Variants in FNBP4 observed in about 807,000 individuals in gnomAD.
FNBP4 encodes the protein formin-binding protein 4.
A neutral mutation model predicts 119.3 loss-of-function variants in FNBP4; 34 were observed. The observed-to-expected ratio is 0.28, with a 90% CI of 0.22 to 0.38. FNBP4 has a LOEUF of 0.38. FNBP4 is among the 10% of genes least tolerant of loss of function. The pLI is 1.00. For synonymous variants in FNBP4, 462 were observed against 430.6 expected, an observed-to-expected ratio of 1.07 and a Z score of -0.90; for missense variants, 1,112 against 1,228.9, an observed-to-expected ratio of 0.90 and a Z score of 1.42.
chr11:47,744,141 T>C lies in FNBP4; in HGVS notation c.1268A>G (p.Glu423Gly). 6.2e-7 allele frequency: 1 copy of C among 1,614,106 alleles called. No individual in the cohort carries two copies. Among genetic ancestry groups the C allele is most frequent in the Non-Finnish European group, 8.5e-7 (1 of 1,179,986 alleles). ...RKKAELRALE[E>G]GDGSVSGSSP... ...AGACCCTGACACACTACCATCTCCTTCCTCCAAGGCTCGCAACTCTGCCTA... is the reference window on the plus strand; with the variant it reads ...AGACCCTGACACACTACCATCTCCTCCCTCCAAGGCTCGCAACTCTGCCTA... The change falls in exon 8 of 17, where the codon GAA becomes GGA. Residue 423 changes from glutamate to glycine, a missense_variant. By Grantham distance (98) the Glu-to-Gly change is moderately conservative (BLOSUM62 -2). Transcript: ENST00000263773.
At chr11:47,731,774 C>T (rs778076122) in intron 11 of FNBP4, 36 of 1,286,118 alleles carry the variant, frequency 2.8e-5, no homozygotes, top group Non-Finnish European at 3.2e-5. Context: ...TCTGTGAATA[C>T]AGCCCTGAAC....
chr11:47,728,329 A>G (rs1333510370), intron 12 of FNBP4, among the ~76,000 whole-genome samples: 1 of 149,222 alleles, frequency 6.7e-6, no homozygotes, highest in Non-Finnish European at 1.5e-5. Context: ...GGTTCACTGT[A>G]ATCTCTGCCT....
chr11:47,746,215 T>C lies in FNBP4; in HGVS notation c.1086A>G (p.Val362=), dbSNP rs763966442. ...GCTTTACTATTGTTGTTGCTTCTTC[T>C]ACTGTTGTACTTGTTTCTTTTACTT... is the stretch of plus-strand genomic sequence containing the variant. The part of the protein sequence containing the change: ...VSEVKETSTT[V]EEATTIVKPQ... Residue 362 remains valine (V), a synonymous_variant, in exon 7 of 17, where the codon GTA becomes GTG. Coordinates refer to ENST00000263773, the MANE Select transcript of FNBP4 (RefSeq NM_015308.5). 1 of 1,614,214 alleles carries C rather than the reference T, an allele frequency of 6.2e-7. No homozygotes were observed. The highest frequency in any genetic ancestry group is 2.2e-5 in the East Asian group (1 of 44,876).
In FNBP4 at chr11:47,767,317, C is replaced by T. The variant is rs1227996094; in HGVS notation, c.-29G>A. 1.4e-6 allele frequency: 2 copies of T among 1,454,884 alleles called. No homozygotes were observed. The highest frequency in any genetic ancestry group is 1.8e-6 in the Non-Finnish European group (2 of 1,110,146). 90.1% of individuals were successfully genotyped at this position (1,454,884 alleles called of 1,614,324 possible). ...GAGCCCAAGCGCGAGCAGAGAGCGT[C>T]GGGCGGCCGAGAGGGGCGGGCACTG... On this transcript the variant is annotated 5_prime_UTR_variant, in exon 1 of 17. Transcript: ENST00000263773.
rs1254801671 is a variant in FNBP4 at position 47,736,695 on chromosome 11, T to G, written c.1502A>C (p.Lys501Thr). The change falls in exon 9 of 17, where the codon AAA (lysine) becomes ACA (threonine). Residue 501 changes from lysine (K) to threonine (T), a missense_variant. Lys to Thr is a moderately conservative substitution (Grantham distance 78). Transcript: ENST00000263773. Reference sequence around the variant, plus strand: ...TGGAGATTCTTCTACTTCCATCTCTTTATCTGAATTCTCATCTATTTTTTC... The same window carrying G: ...TGGAGATTCTTCTACTTCCATCTCTGTATCTGAATTCTCATCTATTTTTTC... ...NSEKIDENSD[K>T]EMEVEESPEK... is the part of the protein sequence containing the mutation. 17 of 1,604,678 alleles carry G rather than the reference T, an allele frequency of 1.1e-5. No individual in the cohort carries two copies. In the Admixed American group the frequency reaches 2.9e-4, roughly 27 times the overall value.
In FNBP4 at chr11:47,765,390, A is replaced by G. The variant is rs184392341; in HGVS notation, c.221-28T>C. The G allele has an allele frequency of 2.3e-6, 3 of 1,319,608 alleles. No individual in the cohort carries two copies. The African/African-American group carries it at 4.8e-5, about 21-fold the overall frequency. 81.7% of individuals were successfully genotyped at this position (1,319,608 alleles called of 1,614,324 possible). A position where few individuals can be genotyped will look rare whatever the true frequency, so the allele number is the denominator to read the frequency against. On this transcript the variant is annotated intron_variant, in intron 1 of 16. Transcript: ENST00000263773. ...GGATTAAAAAAAAAGAAAAGAAAAG[A>G]AAAGAAAAGAAAAGAAAAGAAAAGA...
intron 6 of FNBP4, among the ~76,000 whole-genome samples, chr11:47,747,575 G>A (rs1785835422): frequency 1.3e-5 from 2 of 152,264 alleles, no homozygotes; most frequent in East Asian, 1.9e-4. Flanking sequence ...CGAAAGTGCT[G>A]GGATTACAGG....
chr11:47,755,992 C>T (rs1439893340), intron 2 of FNBP4, among the ~76,000 whole-genome samples: 1 of 152,048 alleles, frequency 6.6e-6, no homozygotes, highest in Non-Finnish European at 1.5e-5. Context: ...CTTTCAAAAA[C>T]TAAAGAAATA....
intron 12 of FNBP4, chr11:47,727,046 A>G (rs1020310262): frequency 6.6e-6 from 1 of 152,180 alleles, no homozygotes; most frequent in Non-Finnish European, 1.5e-5. Context: ...CAATACCAAC[A>G]TGTTTATGAT....
intron 15 of FNBP4, among the ~76,000 whole-genome samples, chr11:47,721,103 C>T (rs944040344): frequency 2.0e-5 from 3 of 151,822 alleles, no homozygotes; most frequent in African/African-American, 7.2e-5. Flanking sequence ...GGGAGGATCA[C>T]GAGGTCAGGT....
intron 12 of FNBP4, chr11:47,729,128 A>T (rs2097564595): frequency 2.0e-6 from 2 of 980,404 alleles, no homozygotes; most frequent in Non-Finnish European, 2.4e-6. Context: ...TTGGGATTAC[A>T]GGCATGAGCC....
chr11:47,743,887 A>G, intron 8 of FNBP4, 66 bp downstream of exon 8: 1 of 1,448,646 alleles, frequency 6.9e-7, no homozygotes, highest in South Asian at 1.2e-5. Context: ...GGAAACAAAA[A>G]AAGACAAGAG....
chr11:47,726,198 T>C (rs1476689124), intron 12 of FNBP4: 2 of 152,186 alleles, frequency 1.3e-5, no homozygotes, highest in Admixed American at 1.3e-4. Flanking sequence ...TACACTGCTT[T>C]GCTCAAAATA....
rs75294708 is a variant in FNBP4, at chr11:47,734,988, C to CG, written c.1582-860_1582-859insC. ...CTCCATCACCCCAACACCCCCCCCC[C>CG]CAAAAAAAAAGGAAATCTAAAGCAC... On this transcript the variant is annotated intron_variant, in intron 9 of 16. Coordinates refer to ENST00000263773, the MANE Select transcript of FNBP4 (RefSeq NM_015308.5). Among the ~76,000 whole-genome samples the CG allele has an allele frequency of 1.0e-3, 120 of 120,036 alleles. 1 individual carries two copies. The highest frequency in any genetic ancestry group is 3.3e-3 in the African/African-American group (103 of 31,648). The allele number at this position is 120,036 out of a possible 152,430, so 78.7% of individuals were successfully genotyped here.
At chr11:47,751,350 C>G in intron 4 of FNBP4, 60 bp from the exon 5 acceptor site, 1 of 1,588,656 alleles carries the variant, frequency 6.3e-7, no homozygotes, top group Non-Finnish European at 8.6e-7. Context: ...TACATATAAG[C>G]TCAAAAGCCA....
intron 12 of FNBP4, among the ~76,000 whole-genome samples, chr11:47,727,752 C>G (rs1294889556): frequency 3.3e-5 from 5 of 152,194 alleles, no homozygotes; most frequent in African/African-American, 1.2e-4. Context: ...TCAGAAAATT[C>G]TAGTTTGAAT....
chr11:47,733,435 A>G (rs1290804111), intron 10 of FNBP4, among the ~76,000 whole-genome samples: 1 of 151,982 alleles, frequency 6.6e-6, no homozygotes, highest in Non-Finnish European at 1.5e-5. Flanking sequence ...TCCTGGGTTC[A>G]AGCGATTCTC....
Position 47,717,249 on chromosome 11 carries a change from C to A in FNBP4, c.*173G>T. ...CAATCACCTCATCCCTTTGCAAAAA[C>A]AGAAAAATTACATTTCACAAAAGTG... On this transcript the variant is annotated 3_prime_UTR_variant, in exon 17 of 17. Coordinates refer to ENST00000263773, the MANE Select transcript of FNBP4 (RefSeq NM_015308.5). 1.8e-6 allele frequency: 1 copy of A among 568,390 alleles called. No individual in the cohort carries two copies. The highest frequency in any genetic ancestry group is 3.1e-6 in the Non-Finnish European group (1 of 323,668). The allele number at this position is 568,390 out of a possible 1,614,324, so 35.2% of individuals were successfully genotyped here.
chr11:47,724,158 G>A lies in FNBP4; in HGVS notation c.2334C>T (p.Ser778=), dbSNP rs1565121411. 2 of 1,614,102 alleles carry A rather than the reference G, an allele frequency of 1.2e-6. No homozygotes were observed. Among genetic ancestry groups the A allele is most frequent in the Admixed American group, 3.3e-5 (2 of 59,998 alleles). ...TVVTSQSSVD[S]TISSSSSTKG... ...TAGTGGAAGAAGAACTAGAGATGGT[G>A]GAATCAACTGAACTCTGAAACACAA... The change falls in exon 14 of 17, where the codon TCC becomes TCT. Residue 778 remains serine (S), a synonymous_variant. Transcript: ENST00000263773.
Sources: gnomAD v4.1 joint callset for allele counts (sites outside exome capture counted in the v4.1 genomes callset) on GRCh38, gnomAD v4.1.1 for gene constraint, MANE v1.5 for transcripts, NCBI Gene and HGNC (gene_info 2026-07-23, HGNC 2026-07-21) for gene names.